Variants in TBCD observed in about 807,000 individuals in gnomAD.
TBCD encodes the protein tubulin folding cofactor D, also known as tubulin-specific chaperone D.
Under a neutral mutation model 169.3 loss-of-function variants are expected in TBCD, and 105 were observed. That is an observed-to-expected ratio of 0.62 (90% CI 0.53 to 0.73). TBCD has a LOEUF of 0.73. TBCD is among the 30% of genes least tolerant of loss of function. TBCD has a pLI of 0.00. For synonymous variants in TBCD, 700 were observed against 643.9 expected, an observed-to-expected ratio of 1.09 and a Z score of -1.32; for missense variants, 1,444 against 1,600.1, an observed-to-expected ratio of 0.90 and a Z score of 1.66.
Position 82,807,621 on chromosome 17 carries a change from C to T in TBCD, c.1101C>T (p.Val367=), listed in dbSNP as rs775961084. The T allele has an allele frequency of 1.4e-5, 22 of 1,544,710 alleles. No individual in the cohort carries two copies. The highest frequency in any genetic ancestry group is 6.2e-5 in the South Asian group (5 of 80,472). The stretch of plus-strand genomic sequence containing the variant: ...CTCTTCCTACAGAGCAGCTGCTGGT[C>T]GGGCTGAAGGACAAGGACACGGTCG... ...GVERVIEQLL[V]GLKDKDTVVR... The change falls in exon 11 of 39, where the codon GTC becomes GTT. Residue 367 remains valine, a synonymous_variant. Coordinates refer to ENST00000355528, the MANE Select transcript of TBCD (RefSeq NM_005993.5).
chr17:82,929,374 C>T lies in TBCD; in HGVS notation c.2865C>T (p.Ala955=), dbSNP rs1278085051. The T allele has an allele frequency of 6.2e-7, 1 of 1,613,018 alleles. No homozygotes were observed. Among genetic ancestry groups the T allele is most frequent in the Non-Finnish European group, 8.5e-7 (1 of 1,179,628 alleles). The change falls in exon 32 of 39, where the codon GCC becomes GCT. Residue 955 remains alanine (A), a synonymous_variant. Transcript: ENST00000355528. ...LEKLFPRSDV[A]SVNWSAPSQA... is the part of the protein sequence containing the mutation. The stretch of plus-strand genomic sequence containing the variant: ...CACTCTCTTGCAGGTCCGATGTGGC[C>T]TCCGTGAACTGGAGTGCACCTTCCC...
chr17:82,924,914 C>G (rs1029437461), intron 26 of TBCD, 25 bp from the exon 27 acceptor site: 1 of 1,545,048 alleles, frequency 6.5e-7, no homozygotes, highest in Non-Finnish European at 8.8e-7. Flanking sequence ...GAGGGCCTCT[C>G]TTCACACTCG....
intron 16 of TBCD, among the ~76,000 whole-genome samples, chr17:82,892,368 T>C (rs2059202421): frequency 6.6e-6 from 1 of 152,138 alleles, no homozygotes; most frequent in South Asian, 2.1e-4. Context: ...GGTGCAGGTT[T>C]CTCCCCTGTT....
In TBCD at chr17:82,870,772, G is replaced by C. The variant is rs889207137; in HGVS notation, c.1475+392G>C. On this transcript the variant is annotated intron_variant, in intron 14 of 38. Transcript: ENST00000355528. ...CAAGTGGGGCACGGGAATCGCCTGT[G>C]CGTGCTCCCTGCGGTCGTGGGTCTT... is the stretch of plus-strand genomic sequence containing the variant. Among the ~76,000 whole-genome samples, 3 of 152,392 alleles carry C rather than the reference G, an allele frequency of 2.0e-5. No individual in the cohort carries two copies. The East Asian group carries it at 5.8e-4, about 29-fold the overall frequency.
intron 34 of TBCD, chr17:82,933,004 C>G: frequency 4.1e-6 from 2 of 490,286 alleles, no homozygotes; most frequent in East Asian, 3.8e-5. Context: ...CACTCTCCCC[C>G]CAGCTATCCC....
chr17:82,792,374 T>C lies in TBCD; in HGVS notation c.772-5383T>C, dbSNP rs76345811. On this transcript the variant is annotated intron_variant, in intron 7 of 38. Coordinates refer to ENST00000355528, the MANE Select transcript of TBCD (RefSeq NM_005993.5). The stretch of plus-strand genomic sequence containing the variant: ...ACATGTGTGCACACACACACACACA[T>C]ATATGTGTATATATATGTATATATA... Among the ~76,000 whole-genome samples the C allele has an allele frequency of 8.0e-3, 1,044 of 130,852 alleles. 9 individuals carry two copies. The highest frequency in any genetic ancestry group is 0.024 in the Middle Eastern group (6 of 254). The allele number at this position is 130,852 out of a possible 152,430, so 85.8% of individuals were successfully genotyped here. A position where few individuals can be genotyped will look rare whatever the true frequency, so the allele number is the denominator to read the frequency against.
intron 13 of TBCD, chr17:82,840,404 A>G (rs1432932035): frequency 6.6e-6 from 1 of 152,240 alleles, no homozygotes; most frequent in African/African-American, 2.4e-5. Flanking sequence ...GGAGGCAAAC[A>G]CTTGGATTGA....
intron 15 of TBCD, among the ~76,000 whole-genome samples, chr17:82,887,198 T>G (rs2058817668): frequency 6.9e-6 from 1 of 144,930 alleles, no homozygotes; most frequent in Non-Finnish European, 1.5e-5. Flanking sequence ...CTCACGCGTT[T>G]ACTTCTGTGT....
chr17:82,852,454 C>T (rs373116730), intron 13 of TBCD, among the ~76,000 whole-genome samples: 4 of 152,132 alleles, frequency 2.6e-5, no homozygotes, highest in African/African-American at 4.8e-5. Context: ...TGTCCAAGGT[C>T]GAGGTGCCAG....
intron 2 of TBCD, 75 bp downstream of exon 2, chr17:82,756,290 C>A: frequency 7.1e-7 from 1 of 1,416,160 alleles, no homozygotes; most frequent in Non-Finnish European, 9.8e-7. Context: ...GGTGCTGGCA[C>A]ATGCATGTGC....
chr17:82,757,114 A>C (rs909622354), intron 2 of TBCD, among the ~76,000 whole-genome samples: 2 of 152,208 alleles, frequency 1.3e-5, no homozygotes, highest in South Asian at 2.1e-4. Flanking sequence ...AATAGTCACC[A>C]CGTTGAGAGG....
chr17:82,837,963 A>T (rs549131449), intron 13 of TBCD, among the ~76,000 whole-genome samples: 1 of 152,344 alleles, frequency 6.6e-6, no homozygotes, highest in South Asian at 2.1e-4. Flanking sequence ...CTGAGCTTTC[A>T]CCAGGCTTTT....
At chr17:82,886,564 G>A (rs543535081) in intron 15 of TBCD, among the ~76,000 whole-genome samples, 30 of 148,254 alleles carry the variant, frequency 2.0e-4, no homozygotes, top group African/African-American at 7.4e-4. Context: ...CCAGCATTTC[G>A]TTTGATACAT....
chr17:82,899,255 C>A (rs1160180467), intron 17 of TBCD, among the ~76,000 whole-genome samples: 1 of 148,544 alleles, frequency 6.7e-6, no homozygotes, highest in South Asian at 2.1e-4. Context: ...CGCACGTGTC[C>A]TCAGCGTGCG....
intron 8 of TBCD, among the ~76,000 whole-genome samples, chr17:82,800,537 G>A (rs962096112): frequency 2.6e-5 from 4 of 151,524 alleles, no homozygotes; most frequent in Admixed American, 6.6e-5. Context: ...CTCTGTGGCC[G>A]CAGGATGCCC....
chr17:82,855,126 A>G (rs951376228), intron 13 of TBCD, among the ~76,000 whole-genome samples: 8 of 150,268 alleles, frequency 5.3e-5, no homozygotes, highest in Admixed American at 1.3e-4. Flanking sequence ...TCTTCGCCCC[A>G]TATGGGCCAC....
rs1381326201 is a variant in TBCD at position 82,833,677 on chromosome 17, C to T, written c.1318+18743C>T. Among the ~76,000 whole-genome samples, 4 of 152,208 alleles carry T rather than the reference C, an allele frequency of 2.6e-5. No individual in the cohort carries two copies. Among genetic ancestry groups the T allele is most frequent in the African/African-American group, 9.7e-5 (4 of 41,446 alleles). ...ATGGAAGAACCAAAGCTTTGCCACA[C>T]TCCTGCCCGAGAGGAGACCAGAGTG... On this transcript the variant is annotated intron_variant, in intron 13 of 38. Coordinates refer to ENST00000355528, the MANE Select transcript of TBCD (RefSeq NM_005993.5). This position sits in a 1 kb window ranked among gnomAD's most constrained non-coding sequence, Gnocchi z 4.7.
intron 13 of TBCD, among the ~76,000 whole-genome samples, chr17:82,869,246 A>G (rs554716966): frequency 7.8e-4 from 119 of 152,374 alleles, no homozygotes; most frequent in African/African-American, 2.8e-3. Context: ...CAAATACAGT[A>G]AAACTTTAGC....
chr17:82,774,206 A>G (rs561092236), intron 6 of TBCD, among the ~76,000 whole-genome samples: 1 of 152,268 alleles, frequency 6.6e-6, no homozygotes, highest in African/African-American at 2.4e-5. Context: ...GGCCTTCCGC[A>G]GTGTTTTTGT....
Sources: gnomAD v4.1 joint callset for allele counts (sites outside exome capture counted in the v4.1 genomes callset) on GRCh38, gnomAD v4.1.1 for gene constraint, Gnocchi (gnomAD v3.1) non-coding constraint, MANE v1.5 for transcripts, NCBI Gene and HGNC (gene_info 2026-07-23, HGNC 2026-07-21) for gene names.